Variants in UNC80 observed in about 807,000 individuals in gnomAD.
UNC80 encodes the protein unc-80 subunit of NALCN channel complex.
Under a neutral mutation model 384.6 loss-of-function variants are expected in UNC80, and 164 were observed. The ratio of observed to expected loss-of-function variants is 0.43; its 90% confidence interval spans 0.38 to 0.49. The LOEUF (loss-of-function observed/expected upper bound fraction) is 0.49. UNC80 is among the 20% of genes least tolerant of loss of function. UNC80 has a pLI of 0.00. For missense variants in UNC80, 3,330 were observed against 4,143.0 expected (o/e 0.80, Z 5.39); for synonymous variants, 1,486 against 1,527.8 (o/e 0.97, Z 0.64).
intron 7 of UNC80, chr2:209,808,756 G>T: frequency 8.3e-6 from 2 of 241,040 alleles, no homozygotes; most frequent in South Asian, 4.9e-5. Context: ...TGAGTGGGTC[G>T]CCTGCGCTAC....
intron 22 of UNC80, among the ~76,000 whole-genome samples, chr2:209,863,638 C>T (rs1235960631): frequency 6.6e-6 from 1 of 151,788 alleles, no homozygotes; most frequent in African/African-American, 2.4e-5. Flanking sequence ...GCTATTGATA[C>T]TTGTGTGTGC....
chr2:209,872,373 G>A lies in UNC80; in HGVS notation c.3628-385G>A, dbSNP rs16843877. 4.9e-3 allele frequency among the ~76,000 whole-genome samples: 739 copies of A among 152,256 alleles called. 8 individuals carry two copies. Among genetic ancestry groups the A allele is most frequent in the African/African-American group, 0.017 (713 of 41,560 alleles). ...GAAATGGAATATTTGTTTGCTTCAT[G>A]TAAAATTTAGGGTTCAAAAAAAGAT... On this transcript the variant is annotated intron_variant, in intron 22 of 64. Transcript: ENST00000673920. The surrounding 1 kb of genome is among the most constrained non-coding windows in gnomAD (Gnocchi z 4.1).
chr2:209,920,961 G>A (rs928023723), intron 33 of UNC80, among the ~76,000 whole-genome samples: 2 of 151,918 alleles, frequency 1.3e-5, no homozygotes, highest in African/African-American at 4.8e-5. Context: ...CTGAGTAGCT[G>A]GGATTACAGG....
chr2:209,887,328 C>T (rs923856268), intron 25 of UNC80, among the ~76,000 whole-genome samples: 2 of 152,138 alleles, frequency 1.3e-5, no homozygotes, highest in Non-Finnish European at 2.9e-5. Flanking sequence ...TGTGAGCCAC[C>T]GAGCCCGGCC....
intron 7 of UNC80, among the ~76,000 whole-genome samples, chr2:209,798,082 T>A (rs553095196): frequency 6.6e-6 from 1 of 152,370 alleles, no homozygotes; most frequent in South Asian, 2.1e-4. Flanking sequence ...ATGGGTAGAT[T>A]GGAAAAATTT....
intron 30 of UNC80, 96 bp from the exon 31 acceptor site, chr2:209,913,706 C>T (rs879035159): frequency 7.6e-7 from 1 of 1,307,662 alleles, no homozygotes; most frequent in Non-Finnish European, 1.0e-6. Context: ...TCACTTAAGG[C>T]AAGCAGAGAG....
Position 209,876,213 on chromosome 2 carries a change from C to T in UNC80, c.3841-1741C>T, listed in dbSNP as rs1249653805. On this transcript the variant is annotated intron_variant, in intron 23 of 64. Coordinates refer to ENST00000673920, the MANE Select transcript of UNC80 (RefSeq NM_001371986.1). Reference sequence around the variant, plus strand: ...CCTATGTTTGAATCCTGCTGAGCAACCTTGGGCAAACCTCCTAGCCCCTCT... The same window carrying T: ...CCTATGTTTGAATCCTGCTGAGCAATCTTGGGCAAACCTCCTAGCCCCTCT... 2.6e-5 allele frequency among the ~76,000 whole-genome samples: 4 copies of T among 152,260 alleles called. No homozygotes were observed. In the East Asian group the frequency reaches 5.8e-4, roughly 22 times the overall value.
intron 7 of UNC80, chr2:209,795,603 A>T (rs1367059226): frequency 1.3e-5 from 2 of 152,314 alleles, no homozygotes; most frequent in Non-Finnish European, 2.9e-5. Flanking sequence ...GGCTGGGCCC[A>T]GGGTCCTCAT....
chr2:209,834,821 A>G, intron 17 of UNC80, 91 bp from the exon 18 acceptor site: 6 of 1,092,674 alleles, frequency 5.5e-6, no homozygotes, highest in South Asian at 1.4e-5. Context: ...AAAGTTGTCT[A>G]CAACAGAGTG....
At chr2:209,783,268 G>A (rs2077246049) in intron 4 of UNC80, among the ~76,000 whole-genome samples, 2 of 152,092 alleles carry the variant, frequency 1.3e-5, no homozygotes, top group Admixed American at 6.5e-5. Context: ...GAATGATAAA[G>A]AGTGTCCTCT....
intron 61 of UNC80, 71 bp from the exon 62 acceptor site, chr2:209,992,095 G>A: frequency 7.9e-7 from 1 of 1,266,120 alleles, no homozygotes; most frequent in African/African-American, 1.5e-5. Context: ...AAGTGATTTT[G>A]GCTAACACCC....
chr2:209,928,808 C>G (rs1226906084), intron 36 of UNC80, among the ~76,000 whole-genome samples: 1 of 152,138 alleles, frequency 6.6e-6, no homozygotes, highest in Non-Finnish European at 1.5e-5. Flanking sequence ...TATCCATTAA[C>G]CAACCTTTCC....
At chr2:209,812,119 G>A (rs1356569676) in intron 7 of UNC80, among the ~76,000 whole-genome samples, 4 of 152,058 alleles carry the variant, frequency 2.6e-5, no homozygotes, top group South Asian at 2.1e-4. Flanking sequence ...GCGCTATCTC[G>A]GCTCACTGCA....
At chr2:209,866,693 C>A (rs895854641) in intron 22 of UNC80, among the ~76,000 whole-genome samples, 3 of 152,146 alleles carry the variant, frequency 2.0e-5, no homozygotes, top group Non-Finnish European at 4.4e-5. Flanking sequence ...TCAAGTACTA[C>A]ATTTTTATTT....
In UNC80 at chr2:209,972,539, C is replaced by T. The variant is rs117375863; in HGVS notation, c.8380+215C>T. Among the ~76,000 whole-genome samples, 51 of 152,264 alleles carry T rather than the reference C, an allele frequency of 3.3e-4. 1 individual carries two copies. The East Asian group carries it at 9.5e-3, about 28-fold the overall frequency. ...CTGCTCTACTTCTTAGGAGATACGT[C>T]CTATTTAAAGTCATTTCAGTACAGC... On this transcript the variant is annotated intron_variant, in intron 55 of 64. Transcript: ENST00000673920.
intron 25 of UNC80, among the ~76,000 whole-genome samples, chr2:209,884,744 G>T (rs1344946645): frequency 6.6e-6 from 1 of 152,178 alleles, no homozygotes; most frequent in African/African-American, 2.4e-5. Context: ...TATCTCCTTT[G>T]CAGGGACATG....
Position 209,925,740 on chromosome 2 carries a change from T to C in UNC80, c.5663-1103T>C, listed in dbSNP as rs934862550. Among the ~76,000 whole-genome samples, 67 of 152,266 alleles carry C rather than the reference T, an allele frequency of 4.4e-4. 1 individual carries two copies. The highest frequency in any genetic ancestry group is 1.5e-3 in the African/African-American group (62 of 41,576). On this transcript the variant is annotated intron_variant, in intron 35 of 64. Coordinates refer to ENST00000673920, the MANE Select transcript of UNC80 (RefSeq NM_001371986.1). The stretch of plus-strand genomic sequence containing the variant: ...CCTTTAGCTAGACACAGAGCCCTGA[T>C]TGGTGCATTTACAATCCTTTAGCTA...
At chr2:209,969,992 A>C (rs1201671815) in intron 53 of UNC80, 101 bp downstream of exon 53, 8 of 1,436,662 alleles carry the variant, frequency 5.6e-6, no homozygotes, top group Non-Finnish European at 7.5e-6. Context: ...TTGTGCCCCT[A>C]TCTGCCCATG....
rs200222549 is a variant in UNC80 at position 209,914,649 on chromosome 2, C to CTGTGTGTGTG, written c.5029+733_5029+742dup. On this transcript the variant is annotated intron_variant, in intron 31 of 64. Coordinates refer to ENST00000673920, the MANE Select transcript of UNC80 (RefSeq NM_001371986.1). ...TTCTCAGGAATCCTTCTAGGGTAAA[C>CTGTGTGTGTG]TGTGTGTGTGTGTGTGTGTGTGTGT... is the stretch of plus-strand genomic sequence containing the variant. Among the ~76,000 whole-genome samples, 8 of 128,498 alleles carry CTGTGTGTGTG rather than the reference C, an allele frequency of 6.2e-5. No homozygotes were observed. The South Asian group carries it at 8.3e-4, about 13-fold the overall frequency. The allele number at this position is 128,498 out of a possible 152,430, so 84.3% of individuals were successfully genotyped here. A position where few individuals can be genotyped will look rare whatever the true frequency, so the allele number is the denominator to read the frequency against.
Sources: allele counts gnomAD v4.1 joint callset (sites outside exome capture counted in the v4.1 genomes callset), GRCh38; gene constraint gnomAD v4.1.1; non-coding constraint Gnocchi (gnomAD v3.1); transcripts MANE v1.5; gene names NCBI Gene and HGNC (gene_info 2026-07-23, HGNC 2026-07-21).